IL34: variants seen among roughly 807,000 people sequenced by gnomAD.
The protein encoded by IL34 is interleukin 34.
In IL34, 17 loss-of-function variants were observed where a neutral mutation model predicts 25.3. That is an observed-to-expected ratio of 0.67 (90% CI 0.46 to 1.01). The LOEUF (loss-of-function observed/expected upper bound fraction) is 1.01. IL34 is among the 50% of genes least tolerant of loss of function. The pLI is 0.00. For synonymous variants in IL34, 174 were observed against 140.9 expected (o/e 1.23, Z -1.66); for missense variants, 368 against 312.9 (o/e 1.18, Z -1.33).
chr16:70,621,836 T>C (rs1390616617), intron 1 of IL34, among the ~76,000 whole-genome samples: 3 of 151,394 alleles, frequency 2.0e-5, no homozygotes, highest in African/African-American at 7.3e-5. Flanking sequence ...AGTGGGGGTG[T>C]TTTTGAGCCA....
At chr16:70,600,784 A>G (rs74024405) in intron 1 of IL34, among the ~76,000 whole-genome samples, 17,248 of 150,672 alleles carry the variant, frequency 0.11, 2,395 homozygotes, top group African/African-American at 0.33. Flanking sequence ...AGAAACAGGG[A>G]ATGCTGGGAG....
chr16:70,659,363 C>T (rs1031894142), intron 4 of IL34, among the ~76,000 whole-genome samples: 2 of 152,206 alleles, frequency 1.3e-5, no homozygotes, highest in Non-Finnish European at 2.9e-5. Flanking sequence ...CTGTCCTGGT[C>T]TACGCCCTTT....
upstream of IL34, among the ~76,000 whole-genome samples, chr16:70,641,867 C>T (rs558701342): frequency 2.0e-5 from 3 of 151,982 alleles, no homozygotes; most frequent in East Asian, 3.9e-4. Flanking sequence ...TGCGCCTGGC[C>T]AAAATTAATA....
chr16:70,603,564 C>T (rs2050952525), intron 1 of IL34, among the ~76,000 whole-genome samples: 1 of 152,148 alleles, frequency 6.6e-6, no homozygotes, highest in South Asian at 2.1e-4. Context: ...AGGTGTGAGT[C>T]ACCGTGCCCG....
At chr16:70,635,086 G>A (rs1212589335) in intron 1 of IL34, among the ~76,000 whole-genome samples, 2 of 152,196 alleles carry the variant, frequency 1.3e-5, no homozygotes, top group East Asian at 3.8e-4. Flanking sequence ...TGGCCATAGA[G>A]TTTGATTTTT....
At chr16:70,628,434 G>A (rs922313531) in intron 1 of IL34, among the ~76,000 whole-genome samples, 2 of 150,910 alleles carry the variant, frequency 1.3e-5, no homozygotes, top group African/African-American at 2.4e-5. Context: ...TTATGTAAGT[G>A]GTCTCTTTTC....
Position 70,598,371 on chromosome 16 carries a change from T to C in IL34, c.-401+18322T>C, listed in dbSNP as rs1328032833. On this transcript the variant is annotated intron_variant, in intron 1 of 6. Coordinates refer to the IL34 transcript ENST00000429149. Reference sequence around the variant, plus strand: ...TGCATATTAGTATTTCATAAAGTAATGTTTTCCTCAGGCCGCGCCCCTGCT... The same window carrying C: ...TGCATATTAGTATTTCATAAAGTAACGTTTTCCTCAGGCCGCGCCCCTGCT... 4.6e-5 allele frequency among the ~76,000 whole-genome samples: 7 copies of C among 152,214 alleles called. No individual in the cohort carries two copies. In the East Asian group the frequency reaches 7.7e-4, roughly 17 times the overall value.
At chr16:70,648,994 C>G (rs1263394006) in intron 1 of IL34, among the ~76,000 whole-genome samples, 2 of 152,150 alleles carry the variant, frequency 1.3e-5, no homozygotes, top group East Asian at 3.9e-4. Context: ...GTCCTCTCCT[C>G]TTCTTCCTAG....
intron 1 of IL34, among the ~76,000 whole-genome samples, chr16:70,633,752 T>C (rs1290298285): frequency 2.0e-5 from 3 of 152,174 alleles, no homozygotes; most frequent in Non-Finnish European, 4.4e-5. Flanking sequence ...GAGGATCTTT[T>C]CCTGTCTCTT....
chr16:70,606,748 G>A (rs6499325), intron 1 of IL34, among the ~76,000 whole-genome samples: 12 of 151,884 alleles, frequency 7.9e-5, no homozygotes, highest in Middle Eastern at 3.4e-3. Context: ...CCACCATGCC[G>A]GGCTAATTTT....
At position 70,660,068 on chromosome 16, in the gene IL34, T is replaced by G; in HGVS notation, c.610T>G (p.Ser204Ala). ...TCCTCAGTCTTGCAGCCCAGAGCCC[T>G]CATTGCAGTATGCGGCCACCCAGCT... ...PSPQSCSPEP[S>A]LQYAATQLYP... Residue 204 changes from serine (S) to alanine (A), a missense_variant, in exon 6 of 6, where the codon TCA becomes GCA. Transcript: ENST00000288098. 1 of 1,613,454 alleles carries G rather than the reference T, an allele frequency of 6.2e-7. No individual in the cohort carries two copies. The highest frequency in any genetic ancestry group is 8.5e-7 in the Non-Finnish European group (1 of 1,179,818).
chr16:70,619,503 A>G (rs12599523), intron 1 of IL34, among the ~76,000 whole-genome samples: 55,571 of 149,372 alleles, frequency 0.37, 10,260 homozygotes, highest in South Asian at 0.59. Flanking sequence ...CTAAGTTGGC[A>G]CCAGAGTTGG....
At chr16:70,632,909 A>C (rs991394978) in intron 1 of IL34, among the ~76,000 whole-genome samples, 1 of 152,130 alleles carries the variant, frequency 6.6e-6, no homozygotes, top group African/African-American at 2.4e-5. Flanking sequence ...GCAATTTTCT[A>C]TTGTTAAAAT....
At chr16:70,651,595 G>C (rs2052080223) in intron 1 of IL34, among the ~76,000 whole-genome samples, 1 of 152,078 alleles carries the variant, frequency 6.6e-6, no homozygotes, top group Non-Finnish European at 1.5e-5. Context: ...GGGCAGGTTT[G>C]GAGAAGGCAG....
intron 1 of IL34, among the ~76,000 whole-genome samples, chr16:70,648,544 C>G: frequency 8.9e-6 from 1 of 112,930 alleles, no homozygotes; most frequent in Non-Finnish European, 1.7e-5. Context: ...AGGGTGAGAC[C>G]CTGTCTTTAA....
At chr16:70,611,928 T>TTGAGACTGGAGGATTGCC (rs2051097166) in intron 1 of IL34, among the ~76,000 whole-genome samples, 1 of 152,100 alleles carries the variant, frequency 6.6e-6, no homozygotes, top group Admixed American at 6.5e-5. Flanking sequence ...GGAGGATTGC[T>TTGAGACTGGAGGATTGCC]TGAGATTGGA....
chr16:70,642,232 G>A (rs1471098407), upstream of IL34, among the ~76,000 whole-genome samples: 2 of 151,808 alleles, frequency 1.3e-5, no homozygotes, highest in African/African-American at 4.8e-5. Context: ...TGTGAGTATG[G>A]GAAGAGACAG....
intron 1 of IL34, among the ~76,000 whole-genome samples, chr16:70,596,803 C>T (rs1311265712): frequency 6.6e-6 from 1 of 152,286 alleles, no homozygotes; most frequent in East Asian, 1.9e-4. Context: ...GTTGCCCATG[C>T]TGGTCTCAAA....
intron 1 of IL34, among the ~76,000 whole-genome samples, chr16:70,647,214 G>A (rs2051958950): frequency 6.6e-6 from 1 of 152,354 alleles, no homozygotes; most frequent in Non-Finnish European, 1.5e-5. Context: ...GGTCCTCAGG[G>A]TGGTCTTAGG....
Sources: gnomAD v4.1 joint callset for allele counts (sites outside exome capture counted in the v4.1 genomes callset) on GRCh38, gnomAD v4.1.1 for gene constraint, MANE v1.5 for transcripts, NCBI Gene and HGNC (gene_info 2026-07-23, HGNC 2026-07-21) for gene names.